Variants in MSRA observed in about 807,000 individuals in gnomAD.
MSRA encodes the protein mitochondrial peptide methionine sulfoxide reductase.
MSRA carries 54 observed loss-of-function variants against 31.3 expected under a neutral mutation model. The ratio of observed to expected loss-of-function variants is 1.73; its 90% confidence interval spans 1.39 to 2.17. MSRA has a LOEUF of 2.17. Ranked by LOEUF, MSRA falls within the 30% of genes most tolerant of loss-of-function variation. The probability of loss-of-function intolerance (pLI) is 0.00; values close to 1 mark genes in which losing one functional copy is unlikely to be tolerated. For synonymous variants in MSRA, 169 were observed against 116.5 expected, an observed-to-expected ratio of 1.45 and a Z score of -2.90; for missense variants, 507 against 300.9, an observed-to-expected ratio of 1.69 and a Z score of -5.07.
chr8:10,287,435 C>G (rs1021039424), intron 3 of MSRA, among the ~76,000 whole-genome samples: 1 of 152,148 alleles, frequency 6.6e-6, no homozygotes, highest in African/African-American at 2.4e-5. Context: ...AAGTGTTACA[C>G]CAATCTAAGG....
At chr8:10,117,604 TATATAG>T in intron 1 of MSRA, among the ~76,000 whole-genome samples, 1 of 152,358 alleles carries the variant, frequency 6.6e-6, no homozygotes, top group South Asian at 2.1e-4. Flanking sequence ...GTATCTTTTA[TATATAG>T]ATATAGATAG....
intron 5 of MSRA, among the ~76,000 whole-genome samples, chr8:10,387,067 G>A (rs1414299209): frequency 6.6e-6 from 1 of 152,118 alleles, no homozygotes; most frequent in Non-Finnish European, 1.5e-5. Flanking sequence ...CTGCATTTCT[G>A]ACAAGCTCCA....
intron 1 of MSRA, among the ~76,000 whole-genome samples, chr8:10,110,693 C>G (rs1346964667): frequency 6.6e-6 from 1 of 152,216 alleles, no homozygotes; most frequent in East Asian, 1.9e-4. Flanking sequence ...AGTGATCGCG[C>G]TTTCTCCCAG....
chr8:10,272,629 A>G (rs1364239782), intron 3 of MSRA, among the ~76,000 whole-genome samples: 5 of 152,234 alleles, frequency 3.3e-5, no homozygotes, highest in African/African-American at 1.2e-4. Context: ...ATGTCTTGGC[A>G]CAGTCAAGTT....
intron 5 of MSRA, among the ~76,000 whole-genome samples, chr8:10,383,070 C>A (rs567591613): frequency 1.3e-5 from 2 of 152,332 alleles, no homozygotes; most frequent in African/African-American, 4.8e-5. Flanking sequence ...ATGCTGTGTT[C>A]ACCCACCTGA....
At chr8:10,080,508 C>T (rs933167008) in intron 1 of MSRA, among the ~76,000 whole-genome samples, 3 of 151,966 alleles carry the variant, frequency 2.0e-5, no homozygotes, top group Non-Finnish European at 2.9e-5. Context: ...TCTGTGTCAG[C>T]CTGCAGCTGT....
intron 1 of MSRA, among the ~76,000 whole-genome samples, chr8:10,204,821 A>G (rs1197913420): frequency 6.6e-6 from 1 of 152,218 alleles, no homozygotes; most frequent in Non-Finnish European, 1.5e-5. Flanking sequence ...ATACTCATCA[A>G]ATGCCCGTTC....
intron 1 of MSRA, among the ~76,000 whole-genome samples, chr8:10,127,328 T>C (rs1467879232): frequency 1.3e-5 from 2 of 152,224 alleles, no homozygotes; most frequent in African/African-American, 4.8e-5. Context: ...CATAAATGGG[T>C]ACGGACTATG....
chr8:10,242,525 T>C (rs968882059), intron 2 of MSRA, among the ~76,000 whole-genome samples: 2 of 152,226 alleles, frequency 1.3e-5, no homozygotes, highest in African/African-American at 4.8e-5. Context: ...GTTTGCCTAA[T>C]AACAGTGCAT....
chr8:10,262,625 T>G (rs1232050113), intron 3 of MSRA, among the ~76,000 whole-genome samples: 1 of 152,248 alleles, frequency 6.6e-6, no homozygotes, highest in East Asian at 1.9e-4. Context: ...GATATGTGAC[T>G]TGAGAATGTG....
At chr8:10,334,547 T>C (rs1190250562) in intron 5 of MSRA, among the ~76,000 whole-genome samples, 1 of 152,128 alleles carries the variant, frequency 6.6e-6, no homozygotes, top group Non-Finnish European at 1.5e-5. Flanking sequence ...GTTGATTGTG[T>C]CGCAGCCCGC....
chr8:10,207,502 T>A (rs1809101920), intron 1 of MSRA, among the ~76,000 whole-genome samples: 1 of 152,150 alleles, frequency 6.6e-6, no homozygotes, highest in South Asian at 2.1e-4. Context: ...GCTTTGCTTG[T>A]TTTTTAGAGA....
chr8:10,160,821 C>G (rs1804574653), intron 1 of MSRA, among the ~76,000 whole-genome samples: 2 of 152,184 alleles, frequency 1.3e-5, no homozygotes, highest in African/African-American at 2.4e-5. Flanking sequence ...AGCCATCGTA[C>G]CCGGCCGAGA....
chr8:10,189,165 T>C (rs1219476317), intron 1 of MSRA, among the ~76,000 whole-genome samples: 1 of 152,222 alleles, frequency 6.6e-6, no homozygotes, highest in Non-Finnish European at 1.5e-5. Flanking sequence ...TAACATTTCA[T>C]TTGTTGCTAC....
intron 1 of MSRA, among the ~76,000 whole-genome samples, chr8:10,121,633 G>A (rs1343174852): frequency 3.3e-5 from 5 of 151,902 alleles, no homozygotes; most frequent in African/African-American, 1.2e-4. Context: ...AAGAAGAGAG[G>A]CACCTGCTAT....
intron 2 of MSRA, among the ~76,000 whole-genome samples, chr8:10,228,022 C>G (rs1030241534): frequency 6.6e-6 from 1 of 152,192 alleles, no homozygotes; most frequent in Non-Finnish European, 1.5e-5. Flanking sequence ...CCCCCCTCCC[C>G]TGCTCTCTTC....
intron 5 of MSRA, among the ~76,000 whole-genome samples, chr8:10,387,555 A>C (rs1456796039): frequency 4.6e-5 from 7 of 152,224 alleles, no homozygotes; most frequent in Non-Finnish European, 8.8e-5. Flanking sequence ...AATGAGCCCA[A>C]AGAACAGACA....
chr8:10,191,928 A>G (rs1807545179), intron 1 of MSRA, among the ~76,000 whole-genome samples: 1 of 152,166 alleles, frequency 6.6e-6, no homozygotes, highest in Non-Finnish European at 1.5e-5. Flanking sequence ...TTAGGTCACG[A>G]TTGTGGGCAT....
At chr8:10,181,443 TA>T (rs537865249) in intron 1 of MSRA, among the ~76,000 whole-genome samples, 17,063 of 131,590 alleles carry the variant, frequency 0.13, 1,709 homozygotes, top group African/African-American at 0.3. Flanking sequence ...ATAATAAAAT[TA>T]AAAAAAAAAA....
Sources: gnomAD v4.1 joint callset for allele counts (sites outside exome capture counted in the v4.1 genomes callset) on GRCh38, gnomAD v4.1.1 for gene constraint, MANE v1.5 for transcripts, NCBI Gene and HGNC (gene_info 2026-07-23, HGNC 2026-07-21) for gene names.